The following LUZP2 variants were observed in gnomAD, a reference collection of about 807,000 sequenced individuals.
LUZP2 encodes the protein leucine zipper protein 2.
LUZP2 carries 52 observed loss-of-function variants against 51.6 expected under a neutral mutation model. The ratio of observed to expected loss-of-function variants is 1.01; its 90% CI spans 0.81 to 1.27. The LOEUF is 1.27. Ranked by LOEUF, LUZP2 falls within the 50% of genes most tolerant of loss-of-function variation. The pLI is 0.00. For synonymous variants in LUZP2, 154 were observed against 137.3 expected, an observed-to-expected ratio of 1.12 and a Z score of -0.85; for missense variants, 436 against 395.4, an observed-to-expected ratio of 1.10 and a Z score of -0.87.
At chr11:24,756,499 G>A (rs1178489465) in intron 4 of LUZP2, among the ~76,000 whole-genome samples, 1 of 152,126 alleles carries the variant, frequency 6.6e-6, no homozygotes, top group African/African-American at 2.4e-5. Context: ...TACCATGGGG[G>A]ACCATGTGGC....
chr11:24,599,229 A>T (rs76800857), intron 1 of LUZP2, among the ~76,000 whole-genome samples: 2,336 of 152,272 alleles, frequency 0.015, 50 homozygotes, highest in South Asian at 0.071. Context: ...GATTCTAAAG[A>T]GAAACTACTT....
chr11:24,549,786 A>G (rs1851671915), intron 1 of LUZP2, among the ~76,000 whole-genome samples: 1 of 152,076 alleles, frequency 6.6e-6, no homozygotes, highest in South Asian at 2.1e-4. Flanking sequence ...TTTGAATGAG[A>G]CAAATTGTAT....
Position 24,926,903 on chromosome 11 carries a change from A to AT in LUZP2, c.522+12375dup, listed in dbSNP as rs528047556. Among the ~76,000 whole-genome samples, 1,187 of 146,866 alleles carry AT rather than the reference A, an allele frequency of 8.1e-3. 19 individuals carry two copies. Among genetic ancestry groups the AT allele is most frequent in the East Asian group, 0.062 (314 of 5,100 alleles). On this transcript the variant is annotated intron_variant, in intron 7 of 11. Transcript: ENST00000336930. ...TTTCACCACATTCACACCAACAACT[A>AT]TTTTTTTTTTATTTTTTGATTATGA...
chr11:24,506,761 C>G (rs1238472304), intron 1 of LUZP2, among the ~76,000 whole-genome samples: 1 of 151,964 alleles, frequency 6.6e-6, no homozygotes, highest in Admixed American at 6.6e-5. Flanking sequence ...CTAGGGACCC[C>G]TAAGTTTTGC....
At chr11:25,006,015 C>T (rs1856825463) in intron 9 of LUZP2, among the ~76,000 whole-genome samples, 1 of 152,108 alleles carries the variant, frequency 6.6e-6, no homozygotes, top group African/African-American at 2.4e-5. Context: ...TATGTCCTTA[C>T]TTATATGAAT....
At chr11:24,931,209 C>CAAAATAAAATAAAATAAAAT (rs199869184) in intron 7 of LUZP2, among the ~76,000 whole-genome samples, 6 of 135,058 alleles carry the variant, frequency 4.4e-5, no homozygotes, top group East Asian at 2.2e-4. Flanking sequence ...GACTCTGTCT[C>CAAAATAAAATAAAATAAAAT]AAAATAAAAT....
At chr11:24,861,537 C>T (rs528840893) in intron 5 of LUZP2, among the ~76,000 whole-genome samples, 1 of 152,144 alleles carries the variant, frequency 6.6e-6, no homozygotes, top group Admixed American at 6.5e-5. Context: ...AATGCCCAAC[C>T]CCAAGACACA....
intron 5 of LUZP2, among the ~76,000 whole-genome samples, chr11:24,864,803 A>G (rs1851839990): frequency 6.6e-6 from 1 of 152,198 alleles, no homozygotes; most frequent in Non-Finnish European, 1.5e-5. Context: ...GAGAACTAAG[A>G]GTCATGAAGA....
intron 5 of LUZP2, among the ~76,000 whole-genome samples, chr11:24,768,931 A>T (rs1236400002): frequency 2.0e-5 from 3 of 152,254 alleles, no homozygotes; most frequent in African/African-American, 4.8e-5. Context: ...AATATGTTGA[A>T]GAGATGTCTG....
intron 5 of LUZP2, among the ~76,000 whole-genome samples, chr11:24,779,443 A>C (rs1296009426): frequency 2.0e-5 from 3 of 152,232 alleles, no homozygotes; most frequent in African/African-American, 7.2e-5. Flanking sequence ...AAATGCTATC[A>C]TTGAAATAGA....
At chr11:24,860,496 C>T (rs1045698513) in intron 5 of LUZP2, among the ~76,000 whole-genome samples, 4 of 152,108 alleles carry the variant, frequency 2.6e-5, no homozygotes, top group Non-Finnish European at 5.9e-5. Flanking sequence ...CTATGTGAGA[C>T]CCTCCAACAG....
chr11:25,080,231 G>A lies in LUZP2; in HGVS notation c.*1573G>A, dbSNP rs1242190040. The A allele has an allele frequency of 1.3e-5, 2 of 152,008 alleles. No individual in the cohort carries two copies. The allele number at this position is 152,008 out of a possible 1,614,324, so 9.4% of individuals were successfully genotyped here. On this transcript the variant is annotated 3_prime_UTR_variant, in exon 12 of 12. Coordinates refer to ENST00000336930, the MANE Select transcript of LUZP2 (RefSeq NM_001009909.4). Reference sequence around the variant, plus strand: ...ATTTTTTGGAGGGCTAGTGATACATGGTCCATGAAATATTCAACACTTTAT... The same window carrying A: ...ATTTTTTGGAGGGCTAGTGATACATAGTCCATGAAATATTCAACACTTTAT...
intron 1 of LUZP2, among the ~76,000 whole-genome samples, chr11:24,681,142 C>T (rs1206272603): frequency 6.6e-6 from 1 of 151,966 alleles, no homozygotes; most frequent in South Asian, 2.1e-4. Context: ...CCACCGCGCC[C>T]AGCTAATTTT....
rs745649247 is a variant in LUZP2, at chr11:24,558,643, A to G, written c.62+61338A>G. On this transcript the variant is annotated intron_variant, in intron 1 of 11. Transcript: ENST00000336930. ...TTGTTGAAACTTTATCTCTAGTTCA[A>G]TAGTACTAGGAGGTGGGCCCTTTAG... 5.9e-5 allele frequency among the ~76,000 whole-genome samples: 9 copies of G among 152,294 alleles called. No homozygotes were observed. The South Asian group carries it at 1.0e-3, about 18-fold the overall frequency.
chr11:24,902,778 A>C (rs1279922874), intron 5 of LUZP2, among the ~76,000 whole-genome samples: 3 of 152,154 alleles, frequency 2.0e-5, no homozygotes, highest in Admixed American at 1.3e-4. Context: ...ATCATTTTTG[A>C]AGGATAAAAG....
chr11:25,059,316 C>A (rs1434232896), intron 10 of LUZP2, among the ~76,000 whole-genome samples: 1 of 152,084 alleles, frequency 6.6e-6, no homozygotes, highest in Non-Finnish European at 1.5e-5. Context: ...AAAAGTTATT[C>A]CATCTGCTTT....
chr11:24,757,866 C>A (rs931305919), intron 4 of LUZP2, among the ~76,000 whole-genome samples: 44 of 151,968 alleles, frequency 2.9e-4, no homozygotes, highest in African/African-American at 1.1e-3. Context: ...TCCAAAATTT[C>A]TGCAATTAGA....
intron 1 of LUZP2, among the ~76,000 whole-genome samples, chr11:24,557,493 A>G (rs1405939117): frequency 6.6e-6 from 1 of 152,166 alleles, no homozygotes; most frequent in African/African-American, 2.4e-5. Context: ...AATAGAAGCA[A>G]ATAGAAGGCA....
intron 7 of LUZP2, among the ~76,000 whole-genome samples, chr11:24,935,238 CT>C (rs1383571182): frequency 2.3e-4 from 35 of 152,208 alleles, no homozygotes; most frequent in African/African-American, 6.0e-4. Flanking sequence ...GGGCCCTTAA[CT>C]TTATGCTAAG....
Sources: gnomAD v4.1 joint callset for allele counts (sites outside exome capture counted in the v4.1 genomes callset) on GRCh38, gnomAD v4.1.1 for gene constraint, MANE v1.5 for transcripts, NCBI Gene and HGNC (gene_info 2026-07-23, HGNC 2026-07-21) for gene names.